DYM: variants seen among roughly 807,000 people sequenced by gnomAD.
DYM encodes the protein dymeclin.
Under a neutral mutation model 93.1 loss-of-function variants are expected in DYM, and 78 were observed. That is an observed-to-expected ratio of 0.84 (90% CI 0.70 to 1.01). DYM has a LOEUF of 1.01. Ranked by LOEUF, DYM falls within the 50% of genes least tolerant of loss-of-function variation. The pLI is 0.00. For missense variants in DYM, 789 were observed against 845.0 expected (o/e 0.93, Z 0.82); for synonymous variants, 321 against 319.7 (o/e 1.00, Z -0.04).
chr18:49,225,343 C>G (rs2093492511), intron 13 of DYM, among the ~76,000 whole-genome samples: 1 of 152,128 alleles, frequency 6.6e-6, no homozygotes, highest in African/African-American at 2.4e-5. Context: ...TGAATCATTT[C>G]ATTCCTTGGC....
In DYM at chr18:49,102,895, T is replaced by C. The variant is rs1210786967; in HGVS notation, c.1912-5380A>G. Among the ~76,000 whole-genome samples, 6 of 152,348 alleles carry C rather than the reference T, an allele frequency of 3.9e-5. No individual in the cohort carries two copies. In the South Asian group the frequency reaches 1.0e-3, roughly 26 times the overall value. On this transcript the variant is annotated intron_variant, in intron 16 of 17. Transcript: ENST00000675505. ...AAACACACGTGTGCATGTGTCTTTA[T>C]AGCAGCATCATTTATAATCCTTTGG... is the stretch of plus-strand genomic sequence containing the variant.
At chr18:49,100,153 C>G (rs1354696104) in intron 16 of DYM, among the ~76,000 whole-genome samples, 2 of 152,128 alleles carry the variant, frequency 1.3e-5, no homozygotes, top group Non-Finnish European at 2.9e-5. Context: ...AAGGCCAATA[C>G]TATTAGTAAA....
intron 15 of DYM, among the ~76,000 whole-genome samples, chr18:49,130,343 C>T (rs947577146): frequency 6.6e-6 from 1 of 152,226 alleles, no homozygotes; most frequent in African/African-American, 2.4e-5. Context: ...CAAGAAGGAA[C>T]CAACTCCCAT....
intron 11 of DYM, among the ~76,000 whole-genome samples, chr18:49,268,181 A>AAT (rs945595317): frequency 1.3e-5 from 2 of 152,286 alleles, no homozygotes; most frequent in African/African-American, 4.8e-5. Context: ...ATGAGATAAC[A>AAT]ATATATATAT....
chr18:49,388,040 T>G (rs1428620855), intron 3 of DYM, among the ~76,000 whole-genome samples: 1 of 152,132 alleles, frequency 6.6e-6, no homozygotes, highest in Non-Finnish European at 1.5e-5. Context: ...ATGGGACATA[T>G]CAAAAGGAAA....
rs201597642 is a variant in DYM at position 49,057,162 on chromosome 18, C to CT, written c.2026-12959dup. On this transcript the variant is annotated intron_variant, in intron 17 of 17. Transcript: ENST00000675505. ...CTGGTATAAATCCATGTGATCTGAACTTTTTTTTTGGTAATTTTCTTATGA... is the reference window on the plus strand; with the variant it reads ...CTGGTATAAATCCATGTGATCTGAACTTTTTTTTTTGGTAATTTTCTTATGA... Among the ~76,000 whole-genome samples, 397 of 151,876 alleles carry CT rather than the reference C, an allele frequency of 2.6e-3. 3 individuals are homozygous for CT. Among genetic ancestry groups the CT allele is most frequent in the East Asian group, 0.011 (57 of 5,180 alleles).
intron 5 of DYM, among the ~76,000 whole-genome samples, chr18:49,366,649 G>A (rs78436637): frequency 0.091 from 13,886 of 152,076 alleles, 855 homozygotes; most frequent in East Asian, 0.31. Context: ...ACAAACAAGA[G>A]TTCTCCCTTA....
At position 49,039,513 on chromosome 18, in the gene DYM, T is replaced by G. The variant is rs748461144; in HGVS notation, c.*4542A>C. On this transcript the variant is annotated 3_prime_UTR_variant, in exon 18 of 18. Coordinates refer to ENST00000675505, the MANE Select transcript of DYM (RefSeq NM_001353214.3). Reference sequence around the variant, plus strand: ...ATTCCTTTCTTCTACTCTTTTGAGATGCCAACTACCCTGCATGTCTGAGCA... The same window carrying G: ...ATTCCTTTCTTCTACTCTTTTGAGAGGCCAACTACCCTGCATGTCTGAGCA... Among the ~76,000 whole-genome samples, 5 of 152,196 alleles carry G rather than the reference T, an allele frequency of 3.3e-5. No homozygotes were observed. Among genetic ancestry groups the G allele is most frequent in the African/African-American group, 7.2e-5 (3 of 41,452 alleles).
At chr18:49,240,328 T>C (rs1390103262) in intron 13 of DYM, among the ~76,000 whole-genome samples, 1 of 152,174 alleles carries the variant, frequency 6.6e-6, no homozygotes, top group Non-Finnish European at 1.5e-5. Context: ...AATTTTTTCA[T>C]ATGTCAGTTA....
Position 49,202,968 on chromosome 18 carries a change from C to G in DYM, c.1625+6583G>C, listed in dbSNP as rs1288353720. Among the ~76,000 whole-genome samples, 42 of 116,518 alleles carry G rather than the reference C, an allele frequency of 3.6e-4. No homozygotes were observed. In the East Asian group the frequency reaches 7.6e-3, roughly 21 times the overall value. The allele number at this position is 116,518 out of a possible 152,430, so 76.4% of individuals were successfully genotyped here. A position where few individuals can be genotyped will look rare whatever the true frequency, so the allele number is the denominator to read the frequency against. Reference sequence around the variant, plus strand: ...GGAGGGAGGTGAGGGGTCAGCCCCCCCGCCCGGCCAGCCGTGCCATCCGGG... The same window carrying G: ...GGAGGGAGGTGAGGGGTCAGCCCCCGCGCCCGGCCAGCCGTGCCATCCGGG... On this transcript the variant is annotated intron_variant, in intron 14 of 17. Coordinates refer to ENST00000675505, the MANE Select transcript of DYM (RefSeq NM_001353214.3).
At chr18:49,399,359 T>C (rs565926082) in intron 2 of DYM, among the ~76,000 whole-genome samples, 1 of 152,230 alleles carries the variant, frequency 6.6e-6, no homozygotes, top group African/African-American at 2.4e-5. Flanking sequence ...TGGCATGCCC[T>C]GGGAAGGGGT....
chr18:49,141,622 T>C (rs1012881450), intron 15 of DYM, among the ~76,000 whole-genome samples: 6 of 152,224 alleles, frequency 3.9e-5, no homozygotes, highest in Non-Finnish European at 2.9e-5. Flanking sequence ...AGGTCTCAGT[T>C]AAATATCACT....
intron 13 of DYM, among the ~76,000 whole-genome samples, chr18:49,227,495 C>A (rs142119778): frequency 2.6e-5 from 4 of 152,086 alleles, no homozygotes; most frequent in Non-Finnish European, 5.9e-5. Flanking sequence ...GCCATTAAGT[C>A]ATTATCAGAA....
intron 13 of DYM, among the ~76,000 whole-genome samples, chr18:49,218,963 A>G (rs2093213691): frequency 6.6e-6 from 1 of 152,212 alleles, no homozygotes; most frequent in Admixed American, 6.5e-5. Context: ...TAATGAATTC[A>G]GGAGCTGGTT....
intron 6 of DYM, among the ~76,000 whole-genome samples, chr18:49,351,892 G>C (rs1227413652): frequency 6.6e-6 from 1 of 152,140 alleles, no homozygotes; most frequent in Non-Finnish European, 1.5e-5. Flanking sequence ...GGCCACCCAA[G>C]AAAATAGTGA....
At chr18:49,341,726 T>C (rs2064169509) in intron 6 of DYM, among the ~76,000 whole-genome samples, 1 of 151,854 alleles carries the variant, frequency 6.6e-6, no homozygotes, top group African/African-American at 2.4e-5. Flanking sequence ...AAATTGACTA[T>C]TTATGAAGTG....
At chr18:49,262,084 A>G (rs1204292367) in intron 11 of DYM, among the ~76,000 whole-genome samples, 2 of 152,212 alleles carry the variant, frequency 1.3e-5, no homozygotes, top group Non-Finnish European at 1.5e-5. Flanking sequence ...AATATAATCA[A>G]GATGAGACTG....
At chr18:49,138,784 T>A (rs1006675002) in intron 15 of DYM, among the ~76,000 whole-genome samples, 1 of 152,084 alleles carries the variant, frequency 6.6e-6, no homozygotes. Context: ...AAAGGGAGGA[T>A]AGGTAAGTAT....
chr18:49,157,537 C>T (rs1488990966), intron 15 of DYM, among the ~76,000 whole-genome samples: 2 of 152,132 alleles, frequency 1.3e-5, no homozygotes, highest in Admixed American at 1.3e-4. Context: ...CCCAGTGAGG[C>T]AAAATGACAT....
Sources: gnomAD v4.1 joint callset for allele counts (sites outside exome capture counted in the v4.1 genomes callset) on GRCh38, gnomAD v4.1.1 for gene constraint, MANE v1.5 for transcripts, NCBI Gene and HGNC (gene_info 2026-07-23, HGNC 2026-07-21) for gene names.